The following CLEC14A variants were observed in gnomAD, a reference collection of about 807,000 sequenced individuals.
The protein encoded by CLEC14A is C-type lectin domain containing 14A.
For synonymous variants in CLEC14A, 349 were observed against 292.0 expected (o/e 1.20, Z -1.99); for missense variants, 682 against 659.9 (o/e 1.03, Z -0.37).
rs1266083544 is a variant in CLEC14A at position 38,254,933 on chromosome 14, C to G, written c.1090G>C (p.Ala364Pro). 1 of 1,614,082 alleles carries G rather than the reference C, an allele frequency of 6.2e-7. No homozygotes were observed. The highest frequency in any genetic ancestry group is 8.5e-7 in the Non-Finnish European group (1 of 1,180,042). ...TMSTLQMSLQ[A>P]ESKATITPSG... is the part of the protein sequence containing the mutation. ...GGGGTGATAGTGGCCTTTGACTCGG[C>G]TTGAAGGGACATTTGAAGGGTAGAC... The change falls in exon 1 of 1, where the codon GCC becomes CCC. Residue 364 changes from alanine to proline, a missense_variant. Physicochemically the swap from Ala to Pro is conservative, Grantham distance 27. Transcript: ENST00000342213.
Position 38,255,858 on chromosome 14 carries a change from G to A in CLEC14A, c.165C>T (p.Ile55=). 1 of 1,553,696 alleles carries A rather than the reference G, an allele frequency of 6.4e-7. No individual in the cohort carries two copies. Among genetic ancestry groups the A allele is most frequent in the Non-Finnish European group, 8.6e-7 (1 of 1,157,108 alleles). ...MKRQAAEEAC[I]LRGGALSTVR... is the part of the protein sequence containing the mutation. ...CGGTGCTGAGCGCCCCACCTCGCAG[G>A]ATGCAGGCCTCCTCGGCCGCCTGCC... Residue 55 remains isoleucine (I), a synonymous_variant, in exon 1 of 1, where the codon ATC becomes ATT. Transcript: ENST00000342213. The surrounding 1 kb of genome is among the most constrained non-coding windows in gnomAD (Gnocchi z 5.1).
Position 38,254,973 on chromosome 14 carries a change from TC to T in CLEC14A, c.1049del (p.Gly350AspfsTer27), listed in dbSNP as rs1012529163. On this transcript the variant is annotated frameshift_variant, in exon 1 of 1. Transcript: ENST00000342213. LOFTEE classifies it low-confidence loss of function (END_TRUNC). ...VTSIPEIPRWGSQSTMSTLQM... is the reference protein window; with the variant it reads ...VTSIPEIPRWXSQSTMSTLQM... The stretch of plus-strand genomic sequence containing the variant: ...GAAGGGTAGACATCGTGCTCTGTGA[TC>T]CCCATCGAGGAATCTCAGGAATAGA... The T allele has an allele frequency of 2.5e-6, 4 of 1,613,986 alleles. No individual in the cohort carries two copies. The highest frequency in any genetic ancestry group is 2.7e-5 in the African/African-American group (2 of 74,900).
rs1884006275 is a variant in CLEC14A at position 38,254,752 on chromosome 14, C to T, written c.1271G>A (p.Cys424Tyr). The T allele has an allele frequency of 1.2e-6, 2 of 1,614,156 alleles. No homozygotes were observed. The highest frequency in any genetic ancestry group is 1.7e-6 in the Non-Finnish European group (2 of 1,180,032). Residue 424 changes from cysteine (C) to tyrosine (Y), a missense_variant, in exon 1 of 1, where the codon TGC becomes TAC. Cys to Tyr is a radical substitution (Grantham distance 194). Transcript: ENST00000342213. Reference sequence around the variant, plus strand: ...CTGGGAAGAGGGGCTTTCGTGAAAGCAGAGCTTGACAAGCCCCAGTACTGT... The same window carrying T: ...CTGGGAAGAGGGGCTTTCGTGAAAGTAGAGCTTGACAAGCCCCAGTACTGT... Reference protein sequence around the residue: ...TMTVLGLVKLCFHESPSSQPR... With the variant: ...TMTVLGLVKLYFHESPSSQPR...
chr14:38,255,451 C>A lies in CLEC14A; in HGVS notation c.572G>T (p.Ser191Ile). ...APRPGAASNL[S>I]YRAPFQLHSA... ...GTGCAGCTGGAAGGGCGCGCGATAGCTCAAGTTAGAGGCGGCCCCGGGGCG... is the reference window on the plus strand; with the variant it reads ...GTGCAGCTGGAAGGGCGCGCGATAGATCAAGTTAGAGGCGGCCCCGGGGCG... The change falls in exon 1 of 1, where the codon AGC becomes ATC. Residue 191 changes from serine (S) to isoleucine (I), a missense_variant. Transcript: ENST00000342213. This position sits in a 1 kb window ranked among gnomAD's most constrained non-coding sequence, Gnocchi z 5.1. 6.2e-7 allele frequency: 1 copy of A among 1,613,298 alleles called. No homozygotes were observed. The highest frequency in any genetic ancestry group is 8.5e-7 in the Non-Finnish European group (1 of 1,180,026).
chr14:38,255,390 C>T lies in CLEC14A; in HGVS notation c.633G>A (p.Glu211=), dbSNP rs1457314390. ...AALDFSPPGT[E]VSALCRGQLP... ...GCTGTCCCCGGCAGAGCGCACTCAC[C>T]TCGGTCCCAGGTGGACTGAAGTCCA... is the stretch of plus-strand genomic sequence containing the variant. The change falls in exon 1 of 1, where the codon GAG becomes GAA. Residue 211 remains glutamate, a synonymous_variant. Transcript: ENST00000342213. The surrounding 1 kb of genome is among the most constrained non-coding windows in gnomAD (Gnocchi z 5.1). 4 of 1,613,374 alleles carry T rather than the reference C, an allele frequency of 2.5e-6. No individual in the cohort carries two copies. Among genetic ancestry groups the T allele is most frequent in the Non-Finnish European group, 2.5e-6 (3 of 1,180,040 alleles).
chr14:38,254,693 C>G lies in CLEC14A; in HGVS notation c.1330G>C (p.Glu444Gln). The change falls in exon 1 of 1, where the codon GAG (glutamate) becomes CAG (glutamine). Residue 444 changes from glutamate (E) to glutamine (Q), a missense_variant. Transcript: ENST00000342213. ...AAAGCAGCGGGCTCAGGATCACTCT[C>G]CAGGCCCGGCGGGCCCATAGACTCC... ...RKESMGPPGL[E>Q]SDPEPAALGS... is the part of the protein sequence containing the mutation. 6.2e-7 allele frequency: 1 copy of G among 1,614,178 alleles called. No homozygotes were observed. The highest frequency in any genetic ancestry group is 1.1e-5 in the South Asian group (1 of 91,082).
rs778577791 is a variant in CLEC14A at position 38,255,281 on chromosome 14, C to T, written c.742G>A (p.Gly248Arg). 6.2e-7 allele frequency: 1 copy of T among 1,613,736 alleles called. No individual in the cohort carries two copies. The highest frequency in any genetic ancestry group is 8.5e-7 in the Non-Finnish European group (1 of 1,180,034). ...LSGDVLCPCP[G>R]RYLRAGKCAE... ...CATTTGCCAGCACGGAGGTACCTCC[C>T]GGGGCAGGGACACAACACATCGCCC... The change falls in exon 1 of 1, where the codon GGG becomes AGG. Residue 248 changes from glycine to arginine, a missense_variant. By Grantham distance (125) the Gly-to-Arg change is moderately radical. Transcript: ENST00000342213. This position sits in a 1 kb window ranked among gnomAD's most constrained non-coding sequence, Gnocchi z 5.1.
rs61978105 is a variant in CLEC14A at position 38,255,062 on chromosome 14, T to G, written c.961A>C (p.Ile321Leu). 1,209 of 1,612,986 alleles carry G rather than the reference T, an allele frequency of 7.5e-4. 10 individuals carry two copies. The highest frequency in any genetic ancestry group is 7.0e-3 in the South Asian group (639 of 91,084). The change falls in exon 1 of 1, where the codon ATC becomes CTC. Residue 321 changes from isoleucine to leucine, a missense_variant. Coordinates refer to ENST00000342213, the MANE Select transcript of CLEC14A (RefSeq NM_175060.3). The surrounding 1 kb of genome is among the most constrained non-coding windows in gnomAD (Gnocchi z 5.1). ...TCTCCCAGCTTCTCGTCGACCCTGATTGGCCATGTTCTCTGCGGCACGGGG... is the reference window on the plus strand; with the variant it reads ...TCTCCCAGCTTCTCGTCGACCCTGAGTGGCCATGTTCTCTGCGGCACGGGG... ...TSPVPQRTWP[I>L]RVDEKLGETP...
At position 38,255,507 on chromosome 14, in the gene CLEC14A, C is replaced by T. The variant is rs769229740; in HGVS notation, c.516G>A (p.Lys172=). 6.2e-7 allele frequency: 1 copy of T among 1,613,196 alleles called. No individual in the cohort carries two copies. Among genetic ancestry groups the T allele is most frequent in the East Asian group, 2.2e-5 (1 of 44,844 alleles). Residue 172 remains lysine, a synonymous_variant, in exon 1 of 1, where the codon AAG becomes AAA. Coordinates refer to ENST00000342213, the MANE Select transcript of CLEC14A (RefSeq NM_175060.3). This position sits in a 1 kb window ranked among gnomAD's most constrained non-coding sequence, Gnocchi z 5.1. The part of the protein sequence containing the change: ...CHLRANGYLC[K]YQFEVLCPAP... Reference sequence around the variant, plus strand: ...CAGGACACAAGACCTCAAACTGGTACTTGCACAGGTAGCCGTTGGCGCGCA... The same window carrying T: ...CAGGACACAAGACCTCAAACTGGTATTTGCACAGGTAGCCGTTGGCGCGCA...
chr14:38,254,868 G>A lies in CLEC14A; in HGVS notation c.1155C>T (p.Ser385=). The stretch of plus-strand genomic sequence containing the variant: ...AGTCGAAAGCCTGAGGAGTGGCAGA[G>A]GAAGTCGTAGAATTAAACTTGGAAA... ...SVISKFNSTT[S]SATPQAFDSS... Residue 385 remains serine, a synonymous_variant, in exon 1 of 1, where the codon TCC becomes TCT. Transcript: ENST00000342213. The A allele has an allele frequency of 6.2e-7, 1 of 1,614,080 alleles. No homozygotes were observed. The highest frequency in any genetic ancestry group is 8.5e-7 in the Non-Finnish European group (1 of 1,179,990).
Position 38,255,862 on chromosome 14 carries a change from C to A in CLEC14A, c.161G>T (p.Cys54Phe). 2 of 1,554,340 alleles carry A rather than the reference C, an allele frequency of 1.3e-6. No individual in the cohort carries two copies. Among genetic ancestry groups the A allele is most frequent in the Non-Finnish European group, 1.7e-6 (2 of 1,157,624 alleles). ...GCTGAGCGCCCCACCTCGCAGGATG[C>A]AGGCCTCCTCGGCCGCCTGCCGCTT... ...TMKRQAAEEACILRGGALSTV... is the reference protein window; with the variant it reads ...TMKRQAAEEAFILRGGALSTV... The change falls in exon 1 of 1, where the codon TGC (cysteine) becomes TTC (phenylalanine). Residue 54 changes from cysteine (C) to phenylalanine (F), a missense_variant. Physicochemically the swap from Cys to Phe is radical, Grantham distance 205. Coordinates refer to ENST00000342213, the MANE Select transcript of CLEC14A (RefSeq NM_175060.3). This position sits in a 1 kb window ranked among gnomAD's most constrained non-coding sequence, Gnocchi z 5.1.
rs930476796 is a variant in CLEC14A at position 38,254,029 on chromosome 14, A to C, written c.*521T>G. 1 of 152,120 alleles carries C rather than the reference A, an allele frequency of 6.6e-6. No individual in the cohort carries two copies. The highest frequency in any genetic ancestry group is 1.5e-5 in the Non-Finnish European group (1 of 68,058). The allele number at this position is 152,120 out of a possible 1,614,324, so 9.4% of individuals were successfully genotyped here. A position where few individuals can be genotyped will look rare whatever the true frequency, so the allele number is the denominator to read the frequency against. ...CTCCCTCAATCTAAAAGCAGAATGCACTCTTGCTGCTTACTCCCAGCATGC... is the reference window on the plus strand; with the variant it reads ...CTCCCTCAATCTAAAAGCAGAATGCCCTCTTGCTGCTTACTCCCAGCATGC... On this transcript the variant is annotated 3_prime_UTR_variant, in exon 1 of 1. Transcript: ENST00000342213.
Position 38,254,440 on chromosome 14 carries a change from G to A in CLEC14A, c.*110C>T. The A allele has an allele frequency of 1.9e-6, 2 of 1,057,718 alleles. No individual in the cohort carries two copies. The highest frequency in any genetic ancestry group is 2.5e-5 in the East Asian group (1 of 40,726). 65.5% of individuals were successfully genotyped at this position (1,057,718 alleles called of 1,614,324 possible). A position where few individuals can be genotyped will look rare whatever the true frequency, so the allele number is the denominator to read the frequency against. ...TCAGTGGAGTAAAGGGAATTTAGAG[G>A]AAGGGGGATTTCTGCAGAAATTGTC... is the stretch of plus-strand genomic sequence containing the variant. On this transcript the variant is annotated 3_prime_UTR_variant, in exon 1 of 1. Transcript: ENST00000342213.
At position 38,255,248 on chromosome 14, in the gene CLEC14A, G is replaced by A. The variant is rs759900108; in HGVS notation, c.775C>T (p.Leu259Phe). The change falls in exon 1 of 1, where the codon CTC (leucine) becomes TTC (phenylalanine). Residue 259 changes from leucine (L) to phenylalanine (F), a missense_variant. Leu to Phe is a conservative substitution (Grantham distance 22, BLOSUM62 0). Coordinates refer to ENST00000342213, the MANE Select transcript of CLEC14A (RefSeq NM_175060.3). This position sits in a 1 kb window ranked among gnomAD's most constrained non-coding sequence, Gnocchi z 5.1. ...CCCAAGTCGTCTAGGCAGTTAGGGA[G>A]CTCTGCGCATTTGCCAGCACGGAGG... is the stretch of plus-strand genomic sequence containing the variant. ...RYLRAGKCAE[L>F]PNCLDDLGGF... 11 of 1,613,874 alleles carry A rather than the reference G, an allele frequency of 6.8e-6. No homozygotes were observed. Among genetic ancestry groups the A allele is most frequent in the South Asian group, 1.1e-5 (1 of 91,090 alleles).
chr14:38,254,784 C>A lies in CLEC14A; in HGVS notation c.1239G>T (p.Leu413Phe). Residue 413 changes from leucine to phenylalanine, a missense_variant, in exon 1 of 1, where the codon TTG (leucine) becomes TTT (phenylalanine). By Grantham distance (22) the Leu-to-Phe change is conservative (BLOSUM62 0). Transcript: ENST00000342213. ...VSTAVVVLVI[L>F]TMTVLGLVKL... ...TGACAAGCCCCAGTACTGTCATGGT[C>A]AAGATCACCAACACTACTACTGCTG... 1 of 1,614,090 alleles carries A rather than the reference C, an allele frequency of 6.2e-7. No individual in the cohort carries two copies. Among genetic ancestry groups the A allele is most frequent in the Non-Finnish European group, 8.5e-7 (1 of 1,180,030 alleles).
chr14:38,254,372 C>T lies in CLEC14A; in HGVS notation c.*178G>A, dbSNP rs190414662. ...CACCATCCTAAAGGCACTTCCACTT[C>T]CTCTATCATCAGGGAAGGAGTGTGC... On this transcript the variant is annotated 3_prime_UTR_variant, in exon 1 of 1. Coordinates refer to ENST00000342213, the MANE Select transcript of CLEC14A (RefSeq NM_175060.3). The T allele has an allele frequency of 5.5e-6, 3 of 547,298 alleles. No individual in the cohort carries two copies. In the Admixed American group the frequency reaches 1.1e-4, roughly 20 times the overall value. 33.9% of individuals were successfully genotyped at this position (547,298 alleles called of 1,614,324 possible).
chr14:38,255,832 A>C lies in CLEC14A; in HGVS notation c.191T>G (p.Val64Gly). ...AGCGCGCAGCTCGGCGCCCGCACGC[A>C]CGGTGCTGAGCGCCCCACCTCGCAG... ...CILRGGALST[V>G]RAGAELRAVL... The change falls in exon 1 of 1, where the codon GTG becomes GGG. Residue 64 changes from valine (V) to glycine (G), a missense_variant. Physicochemically the swap from Val to Gly is moderately radical, Grantham distance 109. Coordinates refer to ENST00000342213, the MANE Select transcript of CLEC14A (RefSeq NM_175060.3). This position sits in a 1 kb window ranked among gnomAD's most constrained non-coding sequence, Gnocchi z 5.1. The C allele has an allele frequency of 6.5e-7, 1 of 1,543,790 alleles. No individual in the cohort carries two copies. Among genetic ancestry groups the C allele is most frequent in the African/African-American group, 1.4e-5 (1 of 73,450 alleles).
In CLEC14A at chr14:38,254,753, A is replaced by G. The variant is rs1884006325; in HGVS notation, c.1270T>C (p.Cys424Arg). The change falls in exon 1 of 1, where the codon TGC (cysteine) becomes CGC (arginine). Residue 424 changes from cysteine to arginine, a missense_variant. By Grantham distance (180) the Cys-to-Arg change is radical (BLOSUM62 -3). Transcript: ENST00000342213. ...TGGGAAGAGGGGCTTTCGTGAAAGC[A>G]GAGCTTGACAAGCCCCAGTACTGTC... Reference protein sequence around the residue: ...TMTVLGLVKLCFHESPSSQPR... With the variant: ...TMTVLGLVKLRFHESPSSQPR... 2.5e-6 allele frequency: 4 copies of G among 1,614,146 alleles called. No homozygotes were observed. The East Asian group carries it at 6.7e-5, about 27-fold the overall frequency.
Position 38,255,103 on chromosome 14 carries a change from G to A in CLEC14A, c.920C>T (p.Pro307Leu), listed in dbSNP as rs747879149. The A allele has an allele frequency of 6.2e-7, 1 of 1,612,372 alleles. No individual in the cohort carries two copies. Among genetic ancestry groups the A allele is most frequent in the South Asian group, 1.1e-5 (1 of 91,064 alleles). The part of the protein sequence containing the change: ...GGTGVPTRRP[P>L]ATATSPVPQR... The stretch of plus-strand genomic sequence containing the variant: ...CGGCACGGGGCTGGTTGCAGTGGCC[G>A]GCGGGCGCCTGGTGGGCACCCCGGT... Residue 307 changes from proline to leucine, a missense_variant, in exon 1 of 1, where the codon CCG (proline) becomes CTG (leucine). By Grantham distance (98) the Pro-to-Leu change is moderately conservative. Transcript: ENST00000342213. The surrounding 1 kb of genome is among the most constrained non-coding windows in gnomAD (Gnocchi z 5.1).
Sources: gnomAD v4.1 joint callset for allele counts on GRCh38, gnomAD v4.1.1 for gene constraint, Gnocchi (gnomAD v3.1) non-coding constraint, MANE v1.5 for transcripts, NCBI Gene and HGNC (gene_info 2026-07-23, HGNC 2026-07-21) for gene names.